The following USP7 variants were observed in gnomAD, a reference collection of about 807,000 sequenced individuals.
USP7 encodes ubiquitin C-terminal hydrolase 7.
A neutral mutation model predicts 162.9 loss-of-function variants in USP7; 9 were observed. The ratio of observed to expected loss-of-function variants is 0.06; its 90% confidence interval spans 0.03 to 0.10. USP7 has a LOEUF of 0.10. USP7 is among the 10% of genes least tolerant of loss of function. The pLI is 1.00. For synonymous variants in USP7, 562 were observed against 475.9 expected (o/e 1.18, Z -2.35); for missense variants, 715 against 1,373.7 (o/e 0.52, Z 7.58).
At position 8,959,367 on chromosome 16, in the gene USP7, AAAAG is replaced by A. The variant is rs1434717561; in HGVS notation, c.79+3836_79+3839del. 2.0e-5 allele frequency among the ~76,000 whole-genome samples: 3 copies of A among 152,200 alleles called. No individual in the cohort carries two copies. In the East Asian group the frequency reaches 5.8e-4, roughly 29 times the overall value. On this transcript the variant is annotated intron_variant, in intron 1 of 30. Coordinates refer to ENST00000344836, the MANE Select transcript of USP7 (RefSeq NM_003470.3). ...CCAAAACACTAATTCAAAAAAAAAA[AAAAG>A]GATACCTTCTTCCTATATTTACTAG...
At chr16:8,955,865 C>T (rs1169129152) in intron 1 of USP7, among the ~76,000 whole-genome samples, 1 of 152,144 alleles carries the variant, frequency 6.6e-6, no homozygotes, top group Non-Finnish European at 1.5e-5. Flanking sequence ...GCTCAGCCTA[C>T]ACATTCAGAG....
chr16:8,955,693 C>T (rs550272433), intron 1 of USP7, among the ~76,000 whole-genome samples: 111 of 103,068 alleles, frequency 1.1e-3, no homozygotes, highest in Admixed American at 6.1e-3. Context: ...CAACAGAGCA[C>T]GATTCCATCT....
Position 8,899,028 on chromosome 16 carries a change from C to G in USP7, c.2531+93G>C, listed in dbSNP as rs747781046. The G allele has an allele frequency of 3.0e-6, 4 of 1,338,420 alleles. No homozygotes were observed. In the Admixed American group the frequency reaches 7.3e-5, roughly 24 times the overall value. The allele number at this position is 1,338,420 out of a possible 1,614,324, so 82.9% of individuals were successfully genotyped here. ...AGAAATGGACTGTCAGGTGAAATGGCGAGCTAATTATTAAAATTAGTTCCA... is the reference window on the plus strand; with the variant it reads ...AGAAATGGACTGTCAGGTGAAATGGGGAGCTAATTATTAAAATTAGTTCCA... On this transcript the variant is annotated intron_variant, in intron 23 of 30. Transcript: ENST00000344836.
At chr16:8,929,311 C>A (rs80267105) in intron 2 of USP7, 5 of 356,798 alleles carry the variant, frequency 1.4e-5, no homozygotes, top group Non-Finnish European at 2.8e-5. Flanking sequence ...CCCTCGTCTA[C>A]GGTGGAAAGC....
rs77022371 is a variant in USP7 at position 8,936,219 on chromosome 16, A to G, written c.80-5822T>C. Reference sequence around the variant, plus strand: ...CCACTAGTAACAACCTAGTGATCAAAACTACAGCTGTTATTACGGCAGATA... The same window carrying G: ...CCACTAGTAACAACCTAGTGATCAAGACTACAGCTGTTATTACGGCAGATA... On this transcript the variant is annotated intron_variant, in intron 1 of 30. Coordinates refer to ENST00000344836, the MANE Select transcript of USP7 (RefSeq NM_003470.3). Among the ~76,000 whole-genome samples, 156 of 152,104 alleles carry G rather than the reference A, an allele frequency of 1.0e-3. 1 individual carries two copies. The East Asian group carries it at 0.023, about 22-fold the overall frequency.
intron 1 of USP7, among the ~76,000 whole-genome samples, chr16:8,931,730 A>T (rs911728557): frequency 2.0e-5 from 3 of 152,216 alleles, no homozygotes; most frequent in African/African-American, 4.8e-5. Context: ...TAAATTTCTC[A>T]CACTCACACA....
chr16:8,925,930 G>A (rs956765688), intron 2 of USP7, among the ~76,000 whole-genome samples: 32 of 152,092 alleles, frequency 2.1e-4, no homozygotes, highest in African/African-American at 7.5e-4. Context: ...AGAGGCGGGT[G>A]GATCACGAGG....
In USP7 at chr16:8,904,502, T is replaced by G; in HGVS notation, c.1637A>C (p.Glu546Ala). The G allele has an allele frequency of 6.2e-7, 1 of 1,614,178 alleles. No homozygotes were observed. Among genetic ancestry groups the G allele is most frequent in the East Asian group, 2.2e-5 (1 of 44,884 alleles). The change falls in exon 15 of 31, where the codon GAA becomes GCA. Residue 546 changes from glutamate to alanine, a missense_variant. Transcript: ENST00000344836. ...CTTCTGAGCCTCGATCCTTTTCTCTTCTTGTAATCGCTCCACCAACTGCTG... is the reference window on the plus strand; with the variant it reads ...CTTCTGAGCCTCGATCCTTTTCTCTGCTTGTAATCGCTCCACCAACTGCTG... Reference protein sequence around the residue: ...IPQQLVERLQEEKRIEAQKRK... With the variant: ...IPQQLVERLQAEKRIEAQKRK...
intron 1 of USP7, chr16:8,962,756 G>A (rs1900067325): frequency 1.2e-5 from 2 of 164,226 alleles, no homozygotes; most frequent in Non-Finnish European, 2.7e-5. Flanking sequence ...CCGAGCCACG[G>A]CGCGCCCTCC....
At chr16:8,954,796 T>C (rs1206853534) in intron 1 of USP7, among the ~76,000 whole-genome samples, 1 of 151,872 alleles carries the variant, frequency 6.6e-6, no homozygotes, top group African/African-American at 2.4e-5. Context: ...CCCCCTCTAC[T>C]AAAGATACAA....
intron 15 of USP7, among the ~76,000 whole-genome samples, chr16:8,903,776 A>G (rs1231099943): frequency 6.6e-6 from 1 of 151,972 alleles, no homozygotes; most frequent in East Asian, 1.9e-4. Context: ...CTGAGGCAGG[A>G]GAATCACTTG....
intron 1 of USP7, among the ~76,000 whole-genome samples, chr16:8,949,062 G>T (rs1176579542): frequency 6.6e-6 from 1 of 152,220 alleles, no homozygotes; most frequent in Non-Finnish European, 1.5e-5. Flanking sequence ...TCCTTTTGTG[G>T]TGATGAAAAT....
intron 1 of USP7, among the ~76,000 whole-genome samples, chr16:8,946,552 C>A (rs1899290905): frequency 6.6e-6 from 1 of 152,216 alleles, no homozygotes; most frequent in Non-Finnish European, 1.5e-5. Context: ...AGACTCAAAT[C>A]TCAAATATAT....
intron 13 of USP7, among the ~76,000 whole-genome samples, chr16:8,905,675 G>A (rs745631851): frequency 2.0e-5 from 3 of 152,102 alleles, no homozygotes; most frequent in Non-Finnish European, 4.4e-5. Context: ...GAATTAAAAA[G>A]GCCATACTGA....
At chr16:8,899,081 TGCAGTCAAGACCAA>T in intron 23 of USP7, 26 bp downstream of exon 23, 5 of 1,595,114 alleles carry the variant, frequency 3.1e-6, no homozygotes, top group Non-Finnish European at 4.3e-6. Flanking sequence ...GTGGAAAGCA[TGCAGTCAAGACCAA>T]GCAAGTGTCC....
At chr16:8,895,179 T>C (rs1448071688) in intron 27 of USP7, 29 bp from the exon 28 acceptor site, 1 of 1,614,020 alleles carries the variant, frequency 6.2e-7, no homozygotes, top group Non-Finnish European at 8.5e-7. Context: ...GACACAGTTC[T>C]GTAAGTGCAA....
chr16:8,904,308 A>G, intron 15 of USP7, 127 bp downstream of exon 15: 1 of 1,495,924 alleles, frequency 6.7e-7, no homozygotes, highest in Non-Finnish European at 9.0e-7. Flanking sequence ...ACTTGCGTAC[A>G]GAGATGGATG....
chr16:8,960,805 C>T (rs1474042624), intron 1 of USP7, among the ~76,000 whole-genome samples: 2 of 152,216 alleles, frequency 1.3e-5, no homozygotes, highest in African/African-American at 4.8e-5. Context: ...GCTAGTACCA[C>T]ATTTCAGGAT....
At chr16:8,911,645 G>C (rs1378300671) in intron 10 of USP7, among the ~76,000 whole-genome samples, 1 of 152,244 alleles carries the variant, frequency 6.6e-6, no homozygotes, top group Non-Finnish European at 1.5e-5. Context: ...ACAGGCTGCA[G>C]CCCGGAGAAG....
Sources: allele counts gnomAD v4.1 joint callset (sites outside exome capture counted in the v4.1 genomes callset), GRCh38; gene constraint gnomAD v4.1.1; transcripts MANE v1.5; gene names NCBI Gene and HGNC (gene_info 2026-07-23, HGNC 2026-07-21).